The following ARHGEF10L variants were observed in gnomAD, a reference collection of about 807,000 sequenced individuals.
ARHGEF10L encodes rho guanine nucleotide exchange factor 10-like protein.
A neutral mutation model predicts 141.2 loss-of-function variants in ARHGEF10L; 69 were observed. The observed-to-expected ratio is 0.49, with a 90% CI of 0.40 to 0.60. ARHGEF10L has a LOEUF of 0.60. Among genes scored for constraint, ARHGEF10L ranks in the 20% least tolerant of loss-of-function variants. The pLI, the probability that ARHGEF10L is intolerant of heterozygous loss-of-function variation, is 0.00. For synonymous variants in ARHGEF10L, 711 were observed against 718.5 expected, an observed-to-expected ratio of 0.99 and a Z score of 0.17; for missense variants, 1,482 against 1,734.3, an observed-to-expected ratio of 0.85 and a Z score of 2.58.
rs534870399 is a variant in ARHGEF10L at position 17,543,500 on chromosome 1, T to G, written c.-44+3550T>G. Among the ~76,000 whole-genome samples, 247 of 152,010 alleles carry G rather than the reference T, an allele frequency of 1.6e-3. 1 individual carries two copies. Among genetic ancestry groups the G allele is most frequent in the African/African-American group, 5.6e-3 (232 of 41,494 alleles). ...CGGGAGTCTGAGGCAGGAGAATTGC[T>G]GGAACCCAGGAGGCGGAGGTTGCAG... On this transcript the variant is annotated intron_variant, in intron 1 of 28. Coordinates refer to ENST00000361221, the MANE Select transcript of ARHGEF10L (RefSeq NM_018125.4).
chr1:17,575,357 C>T (rs1174659936), intron 1 of ARHGEF10L, among the ~76,000 whole-genome samples: 1 of 152,362 alleles, frequency 6.6e-6, no homozygotes, highest in South Asian at 2.1e-4. Flanking sequence ...AACTGGAAAC[C>T]ACTGTGTGAA....
At position 17,619,554 on chromosome 1, in the gene ARHGEF10L, G is replaced by A; in HGVS notation, c.942+109G>A. ...GTCTGGATCTCACAGGGGATATGATGACTGGGGGCTCTTGGCAGAGCCCAG... is the reference window on the plus strand; with the variant it reads ...GTCTGGATCTCACAGGGGATATGATAACTGGGGGCTCTTGGCAGAGCCCAG... On this transcript the variant is annotated intron_variant, in intron 10 of 28. Transcript: ENST00000361221. The surrounding 1 kb of genome is among the most constrained non-coding windows in gnomAD (Gnocchi z 5.0). 7.9e-6 allele frequency: 7 copies of A among 883,630 alleles called. No homozygotes were observed. Among genetic ancestry groups the A allele is most frequent in the Non-Finnish European group, 1.2e-5 (7 of 588,954 alleles). 54.7% of individuals were successfully genotyped at this position (883,630 alleles called of 1,614,324 possible).
At chr1:17,658,136 G>A (rs1360793080) in intron 25 of ARHGEF10L, among the ~76,000 whole-genome samples, 3 of 152,204 alleles carry the variant, frequency 2.0e-5, no homozygotes, top group Non-Finnish European at 4.4e-5. Context: ...TTCCCTGGCT[G>A]TGTGTCTGTG....
At chr1:17,568,600 G>T (rs924057963) in intron 1 of ARHGEF10L, among the ~76,000 whole-genome samples, 5 of 152,140 alleles carry the variant, frequency 3.3e-5, no homozygotes, top group African/African-American at 1.2e-4. Context: ...AGGATGTCGG[G>T]GGGTGCTTGA....
At chr1:17,606,282 TTTC>T (rs534097160) in intron 6 of ARHGEF10L, among the ~76,000 whole-genome samples, 74 of 152,162 alleles carry the variant, frequency 4.9e-4, no homozygotes, top group Admixed American at 2.6e-3. Context: ...GCAGATTTCT[TTTC>T]TTCTTCTTCT....
At chr1:17,516,055 G>A in the ARHGEF10L span, among the ~76,000 whole-genome samples, 1 of 152,256 alleles carries the variant, frequency 6.6e-6, no homozygotes, top group African/African-American at 2.4e-5. Context: ...GCTCCTTGGG[G>A]TACTGTCTCA....
chr1:17,581,106 C>T (rs953321253), intron 2 of ARHGEF10L, among the ~76,000 whole-genome samples: 27 of 151,794 alleles, frequency 1.8e-4, no homozygotes, highest in African/African-American at 5.3e-4. Flanking sequence ...CTTGAGGTCA[C>T]GAGTTCGGGA....
intron 4 of ARHGEF10L, among the ~76,000 whole-genome samples, chr1:17,600,091 C>A (rs1259863410): frequency 1.3e-5 from 2 of 152,198 alleles, no homozygotes; most frequent in African/African-American, 4.8e-5. Flanking sequence ...CATGGTCTGG[C>A]CCTGCCACTC....
At chr1:17,620,303 G>A (rs1297776836) in intron 10 of ARHGEF10L, among the ~76,000 whole-genome samples, 1 of 151,908 alleles carries the variant, frequency 6.6e-6, no homozygotes, top group Non-Finnish European at 1.5e-5. Flanking sequence ...TTGTCCCTTC[G>A]CTATCTGTGT....
At chr1:17,678,325 A>G (rs753324201) in intron 26 of ARHGEF10L, among the ~76,000 whole-genome samples, 5 of 151,858 alleles carry the variant, frequency 3.3e-5, no homozygotes, top group Non-Finnish European at 5.9e-5. Flanking sequence ...ATTAAATAGG[A>G]CTAATGAGGA....
At chr1:17,612,498 C>A (rs2059599771) in intron 7 of ARHGEF10L, among the ~76,000 whole-genome samples, 3 of 152,206 alleles carry the variant, frequency 2.0e-5, no homozygotes, top group Admixed American at 2.0e-4. Context: ...CTCTATGAGC[C>A]TGTTCGTCTA....
chr1:17,578,131 G>T (rs924963102), intron 1 of ARHGEF10L, among the ~76,000 whole-genome samples: 2 of 152,128 alleles, frequency 1.3e-5, no homozygotes, highest in Non-Finnish European at 2.9e-5. Flanking sequence ...TTTTCCTTCT[G>T]TAAAATGGGT....
the ARHGEF10L span, among the ~76,000 whole-genome samples, chr1:17,519,354 A>T: frequency 6.6e-6 from 1 of 151,968 alleles, no homozygotes; most frequent in Non-Finnish European, 1.5e-5. Flanking sequence ...TCACAGCTAT[A>T]ATCCCAGCAC....
chr1:17,581,657 T>C (rs1196096121), intron 2 of ARHGEF10L, among the ~76,000 whole-genome samples: 1 of 152,200 alleles, frequency 6.6e-6, no homozygotes, highest in South Asian at 2.1e-4. Flanking sequence ...GTTGTCTCTG[T>C]GGCTTAGTTT....
intron 23 of ARHGEF10L, among the ~76,000 whole-genome samples, chr1:17,655,658 A>G (rs1334782517): frequency 6.6e-6 from 1 of 152,260 alleles, no homozygotes; most frequent in Non-Finnish European, 1.5e-5. Flanking sequence ...CTGAGTATTT[A>G]GTCCACCTTA....
intron 1 of ARHGEF10L, among the ~76,000 whole-genome samples, chr1:17,556,056 G>C (rs1256167808): frequency 6.7e-6 from 1 of 148,928 alleles, no homozygotes; most frequent in Admixed American, 6.7e-5. Context: ...GGAGCACGGG[G>C]TTGAGCCTGG....
chr1:17,622,982 G>C lies in ARHGEF10L; in HGVS notation c.1021-14G>C, dbSNP rs760601129. ...GCGGCCTGGCCTGCGGCCTCACCCC[G>C]CCCTCCCCGGCAGGACTACCGCAAC... On this transcript the variant is annotated splice_polypyrimidine_tract_variant and intron_variant, in intron 11 of 28. Transcript: ENST00000361221. The C allele has an allele frequency of 1.2e-6, 2 of 1,606,516 alleles. No homozygotes were observed. The highest frequency in any genetic ancestry group is 2.7e-5 in the African/African-American group (2 of 74,740).
intron 26 of ARHGEF10L, among the ~76,000 whole-genome samples, chr1:17,682,989 A>G (rs2064243376): frequency 6.6e-6 from 1 of 152,292 alleles, no homozygotes; most frequent in African/African-American, 2.4e-5. Flanking sequence ...GAGCTCTCTC[A>G]GGGTACGTGG....
the ARHGEF10L span, among the ~76,000 whole-genome samples, chr1:17,533,701 C>T: frequency 6.6e-6 from 1 of 152,160 alleles, no homozygotes; most frequent in Non-Finnish European, 1.5e-5. Flanking sequence ...CCCAGCCCCC[C>T]TCAAAATGCC....
Sources: gnomAD v4.1 joint callset for allele counts (sites outside exome capture counted in the v4.1 genomes callset) on GRCh38, gnomAD v4.1.1 for gene constraint, Gnocchi (gnomAD v3.1) non-coding constraint, MANE v1.5 for transcripts, NCBI Gene and HGNC (gene_info 2026-07-23, HGNC 2026-07-21) for gene names.